Variants in AUH observed in about 807,000 individuals in gnomAD.
AUH encodes methylglutaconyl-CoA hydratase, mitochondrial.
Under a neutral mutation model 42.3 loss-of-function variants are expected in AUH, and 29 were observed. That is an observed-to-expected ratio of 0.69 (90% CI 0.51 to 0.93). The LOEUF is 0.93. AUH is among the 40% of genes least tolerant of loss of function. AUH has a pLI of 0.00. For missense variants in AUH, 452 were observed against 438.1 expected (o/e 1.03, Z -0.28); for synonymous variants, 174 against 166.4 (o/e 1.05, Z -0.35).
At position 91,361,818 on chromosome 9, in the gene AUH, G is replaced by T; in HGVS notation, c.72C>A (p.Ala24=). ...SLHAGGARLV[A]ACSAWLCPGL... ...CCGGGCAGAGCCACGCACTGCAAGC[G>T]GCCACCAGGCGGGCGCCGCCAGCAT... Residue 24 remains alanine, a synonymous_variant, in exon 1 of 10, where the codon GCC becomes GCA. Coordinates refer to ENST00000375731, the MANE Select transcript of AUH (RefSeq NM_001698.3). The T allele has an allele frequency of 6.6e-7, 1 of 1,509,960 alleles. No homozygotes were observed. The highest frequency in any genetic ancestry group is 8.8e-7 in the Non-Finnish European group (1 of 1,134,078). 93.5% of individuals were successfully genotyped at this position (1,509,960 alleles called of 1,614,324 possible).
At chr9:91,343,355 G>C (rs1472949674) in intron 3 of AUH, 2 of 152,040 alleles carry the variant, frequency 1.3e-5, no homozygotes, top group Non-Finnish European at 2.9e-5. Flanking sequence ...TCAATGAATA[G>C]AAAGAAAAGC....
intron 6 of AUH, among the ~76,000 whole-genome samples, chr9:91,291,922 CAAAAAAAAAAAAAAA>C (rs10592483): frequency 1.1e-5 from 1 of 87,434 alleles, no homozygotes; most frequent in Non-Finnish European, 2.3e-5. Flanking sequence ...GACTCCGTGT[CAAAAAAAAAAAAAAA>C]AAAAAAAAAG....
chr9:91,237,152 G>A (rs937733579), intron 6 of AUH, among the ~76,000 whole-genome samples: 1 of 152,172 alleles, frequency 6.6e-6, no homozygotes, highest in African/African-American at 2.4e-5. Context: ...CTATGTTATA[G>A]GTAAAAGATG....
At chr9:91,283,866 T>C (rs576237661) in intron 6 of AUH, among the ~76,000 whole-genome samples, 34 of 152,132 alleles carry the variant, frequency 2.2e-4, no homozygotes, top group African/African-American at 7.2e-4. Context: ...GAATCAATAT[T>C]GTGAAAATGG....
At chr9:91,275,285 G>A (rs543222748) in intron 6 of AUH, among the ~76,000 whole-genome samples, 2 of 152,252 alleles carry the variant, frequency 1.3e-5, no homozygotes, top group South Asian at 4.1e-4. Flanking sequence ...AAATCACCAC[G>A]GAGCAACAGG....
At chr9:91,322,338 G>C (rs1829646008) in intron 4 of AUH, among the ~76,000 whole-genome samples, 1 of 152,122 alleles carries the variant, frequency 6.6e-6, no homozygotes, top group Non-Finnish European at 1.5e-5. Context: ...CTTACAGGTA[G>C]CATCAACTTT....
chr9:91,285,567 A>G, intron 6 of AUH, among the ~76,000 whole-genome samples: 1 of 117,924 alleles, frequency 8.5e-6, no homozygotes, highest in East Asian at 2.1e-4. Flanking sequence ...CAACAGTATT[A>G]TAAAGGGCAG....
intron 4 of AUH, among the ~76,000 whole-genome samples, chr9:91,311,874 A>C (rs1037580601): frequency 3.9e-5 from 6 of 152,258 alleles, no homozygotes; most frequent in African/African-American, 1.4e-4. Context: ...ATATTTCAAA[A>C]TAATCAGTTT....
At chr9:91,332,798 G>A (rs923696633) in intron 3 of AUH, among the ~76,000 whole-genome samples, 1 of 152,186 alleles carries the variant, frequency 6.6e-6, no homozygotes, top group African/African-American at 2.4e-5. Flanking sequence ...TGAGCTTCAT[G>A]CACTTTCATG....
At chr9:91,334,364 C>T (rs1434934942) in intron 3 of AUH, among the ~76,000 whole-genome samples, 1 of 123,690 alleles carries the variant, frequency 8.1e-6, no homozygotes, top group African/African-American at 3.1e-5. Flanking sequence ...GGGTAGCCAT[C>T]ATCCAATTCC....
intron 3 of AUH, among the ~76,000 whole-genome samples, chr9:91,355,547 A>G (rs1215707292): frequency 1.3e-5 from 2 of 151,696 alleles, no homozygotes; most frequent in Non-Finnish European, 2.9e-5. Context: ...GCAAGACTCT[A>G]TCTCAAAAAA....
At chr9:91,316,306 T>C (rs1329187501) in intron 4 of AUH, among the ~76,000 whole-genome samples, 1 of 152,186 alleles carries the variant, frequency 6.6e-6, no homozygotes, top group Non-Finnish European at 1.5e-5. Context: ...CCCACCCCTA[T>C]GTGTTTACTG....
At chr9:91,306,457 A>G (rs1159513427) in intron 4 of AUH, 1 of 864,274 alleles carries the variant, frequency 1.2e-6, no homozygotes, top group African/African-American at 1.8e-5. Context: ...ACATACCATA[A>G]GTAGTTTACT....
intron 6 of AUH, among the ~76,000 whole-genome samples, chr9:91,259,254 G>T (rs73651408): frequency 4.7e-4 from 72 of 152,228 alleles, no homozygotes; most frequent in African/African-American, 1.7e-3. Context: ...ATTGTGTCTT[G>T]CAAGTTGGTG....
chr9:91,327,329 G>C (rs914889003), intron 3 of AUH, among the ~76,000 whole-genome samples: 1 of 152,140 alleles, frequency 6.6e-6, no homozygotes, highest in Non-Finnish European at 1.5e-5. Context: ...GCTGGTTTGA[G>C]AGAGTCCATA....
chr9:91,232,011 C>T (rs1827913719), intron 6 of AUH, among the ~76,000 whole-genome samples: 1 of 152,140 alleles, frequency 6.6e-6, no homozygotes, highest in Admixed American at 6.5e-5. Flanking sequence ...GTTCTTACCA[C>T]ACAAAAAAAG....
chr9:91,219,725 G>A (rs1827025518), intron 7 of AUH, among the ~76,000 whole-genome samples: 2 of 152,206 alleles, frequency 1.3e-5, no homozygotes, highest in African/African-American at 2.4e-5. Flanking sequence ...TTTAAAAACC[G>A]ATTCAGCAGG....
At chr9:91,328,446 A>T (rs1231941754) in intron 3 of AUH, among the ~76,000 whole-genome samples, 1 of 152,196 alleles carries the variant, frequency 6.6e-6, no homozygotes, top group Admixed American at 6.5e-5. Context: ...GAGAAGGGAA[A>T]CTATGGTAAG....
chr9:91,348,358 C>A (rs1449679527), intron 3 of AUH, among the ~76,000 whole-genome samples: 1 of 152,136 alleles, frequency 6.6e-6, no homozygotes, highest in East Asian at 1.9e-4. Context: ...TCTTACAAAA[C>A]TAAACACACA....
Sources: gnomAD v4.1 joint callset for allele counts (sites outside exome capture counted in the v4.1 genomes callset) on GRCh38, gnomAD v4.1.1 for gene constraint, MANE v1.5 for transcripts, NCBI Gene and HGNC (gene_info 2026-07-23, HGNC 2026-07-21) for gene names.